Variants in ACVR1 observed in about 807,000 individuals in gnomAD.
The protein encoded by ACVR1 is activin receptor type-1.
Under a neutral mutation model 57.1 loss-of-function variants are expected in ACVR1, and 38 were observed. That is an observed-to-expected ratio of 0.67 (90% CI 0.51 to 0.87). The LOEUF (loss-of-function observed/expected upper bound fraction) is 0.87, where lower values mean the gene tolerates loss of function less well. Among genes scored for constraint, ACVR1 ranks in the 40% least tolerant of loss-of-function variants. ACVR1 has a pLI of 0.00. For synonymous variants in ACVR1, 212 were observed against 228.1 expected, an observed-to-expected ratio of 0.93 and a Z score of 0.63; for missense variants, 463 against 638.2, an observed-to-expected ratio of 0.73 and a Z score of 2.96.
intron 1 of ACVR1, among the ~76,000 whole-genome samples, chr2:157,833,624 C>T (rs1006300064): frequency 2.6e-5 from 4 of 151,330 alleles, no homozygotes; most frequent in African/African-American, 9.7e-5. Flanking sequence ...TCAACAATTA[C>T]AAGAAAAATT....
At chr2:157,858,671 C>T (rs539933852) in intron 1 of ACVR1, among the ~76,000 whole-genome samples, 2 of 152,074 alleles carry the variant, frequency 1.3e-5, no homozygotes, top group East Asian at 1.9e-4. Context: ...TTTGTCGAGA[C>T]GGGGTTTCAC....
chr2:157,795,962 G>C (rs1309339148), intron 3 of ACVR1, among the ~76,000 whole-genome samples: 1 of 152,038 alleles, frequency 6.6e-6, no homozygotes, highest in Admixed American at 6.5e-5. Flanking sequence ...GGTGGCTCAC[G>C]CCTGTAATCC....
chr2:157,807,995 A>C (rs1687621928), intron 2 of ACVR1, among the ~76,000 whole-genome samples: 1 of 151,310 alleles, frequency 6.6e-6, no homozygotes, highest in East Asian at 2.0e-4. Flanking sequence ...AGTGAGAAAC[A>C]CCACCCTTTA....
chr2:157,848,229 C>T (rs1689183584), intron 1 of ACVR1, among the ~76,000 whole-genome samples: 1 of 152,170 alleles, frequency 6.6e-6, no homozygotes, highest in African/African-American at 2.4e-5. Context: ...GACAGCTTGA[C>T]CAACAGAATA....
intron 1 of ACVR1, among the ~76,000 whole-genome samples, chr2:157,853,842 T>C (rs914858733): frequency 6.6e-6 from 1 of 152,174 alleles, no homozygotes; most frequent in Non-Finnish European, 1.5e-5. Flanking sequence ...ACAATGAAGT[T>C]TCCCTATGCT....
At chr2:157,826,918 AGGAAG>A (rs1327273004) in intron 1 of ACVR1, among the ~76,000 whole-genome samples, 1 of 150,368 alleles carries the variant, frequency 6.7e-6, no homozygotes, top group Non-Finnish European at 1.5e-5. Context: ...AAAGGAAGGA[AGGAAG>A]GGAAAGAAAG....
chr2:157,832,744 A>G (rs16842135), intron 1 of ACVR1, among the ~76,000 whole-genome samples: 5,946 of 152,292 alleles, frequency 0.039, 407 homozygotes, highest in African/African-American at 0.13. Flanking sequence ...GATTAATTCT[A>G]TAACATAAAA....
chr2:157,769,178 G>C (rs1053224419), intron 7 of ACVR1, among the ~76,000 whole-genome samples: 2 of 152,202 alleles, frequency 1.3e-5, no homozygotes, highest in African/African-American at 4.8e-5. Context: ...TCAAGGAATG[G>C]TCAGTATTAG....
chr2:157,807,140 G>GAAAAAAGATGA (rs754408678), intron 2 of ACVR1: 57 of 152,090 alleles, frequency 3.7e-4, no homozygotes, highest in Non-Finnish European at 6.3e-4. Context: ...TCTGTAAAAT[G>GAAAAAAGATGA]AAAAAAGATG....
At position 157,764,371 on chromosome 2, in the gene ACVR1, T is replaced by C. The variant is rs565926257; in HGVS notation, c.1066+1550A>G. ...CTATTATTATTATTTTTCTTTTTTTTTTTTTTTTGTATTTTTAGTAGAGAT... is the reference window on the plus strand; with the variant it reads ...CTATTATTATTATTTTTCTTTTTTTCTTTTTTTTGTATTTTTAGTAGAGAT... On this transcript the variant is annotated intron_variant, in intron 8 of 10. Transcript: ENST00000434821. Among the ~76,000 whole-genome samples the C allele has an allele frequency of 5.3e-4, 79 of 150,370 alleles. 1 individual carries two copies. The highest frequency in any genetic ancestry group is 5.2e-4 in the Non-Finnish European group (35 of 67,458).
chr2:157,786,186 G>A (rs952879531), intron 3 of ACVR1, among the ~76,000 whole-genome samples: 2 of 152,102 alleles, frequency 1.3e-5, no homozygotes, highest in Non-Finnish European at 2.9e-5. Flanking sequence ...TTTAAAGTAG[G>A]AACCCCCCTT....
chr2:157,763,366 T>C (rs1685737541), intron 8 of ACVR1, among the ~76,000 whole-genome samples: 1 of 152,240 alleles, frequency 6.6e-6, no homozygotes, highest in Non-Finnish European at 1.5e-5. Flanking sequence ...TTAACAATTA[T>C]TGAATCTAGG....
At chr2:157,845,164 G>T (rs572583476) in intron 1 of ACVR1, among the ~76,000 whole-genome samples, 1 of 152,204 alleles carries the variant, frequency 6.6e-6, no homozygotes, top group African/African-American at 2.4e-5. Context: ...AGAGGTCACA[G>T]AAATAAGTTA....
chr2:157,773,618 T>A (rs1486428302), intron 6 of ACVR1, among the ~76,000 whole-genome samples: 1 of 152,232 alleles, frequency 6.6e-6, no homozygotes, highest in Non-Finnish European at 1.5e-5. Context: ...ATATAGCTCA[T>A]ATTTAAATAA....
chr2:157,824,751 TC>T, intron 1 of ACVR1, among the ~76,000 whole-genome samples: 1 of 150,498 alleles, frequency 6.6e-6, no homozygotes, highest in African/African-American at 2.4e-5. Flanking sequence ...TGTCACTCAC[TC>T]CTTTCTCTTT....
At chr2:157,861,358 C>T (rs895858314) in intron 1 of ACVR1, among the ~76,000 whole-genome samples, 17 of 152,034 alleles carry the variant, frequency 1.1e-4, no homozygotes, top group African/African-American at 3.9e-4. Context: ...TTGAAGGAGA[C>T]GTTCAGAAAA....
At chr2:157,777,011 A>C (rs1476104326) in intron 5 of ACVR1, among the ~76,000 whole-genome samples, 1 of 152,158 alleles carries the variant, frequency 6.6e-6, no homozygotes, top group Non-Finnish European at 1.5e-5. Context: ...AACACCCACA[A>C]ATCTCAAATT....
In ACVR1 at chr2:157,766,204, G is replaced by C; in HGVS notation, c.791-8C>G. 6.2e-7 allele frequency: 1 copy of C among 1,613,650 alleles called. No homozygotes were observed. The highest frequency in any genetic ancestry group is 8.5e-7 in the Non-Finnish European group (1 of 1,179,816). On this transcript the variant is annotated splice_region_variant and splice_polypyrimidine_tract_variant and intron_variant, in intron 7 of 10. Coordinates refer to ENST00000434821, the MANE Select transcript of ACVR1 (RefSeq NM_001111067.4). ...TGTCTGAAGCAATGAAACCTGGAGA[G>C]AGCAAGAAAAAAATTAATATACATG...
chr2:157,800,933 T>C (rs970463175), intron 2 of ACVR1, among the ~76,000 whole-genome samples: 1 of 151,952 alleles, frequency 6.6e-6, no homozygotes, highest in African/African-American at 2.4e-5. Flanking sequence ...CTGTCATACA[T>C]GATTCCGGCT....
Sources: allele counts gnomAD v4.1 joint callset (sites outside exome capture counted in the v4.1 genomes callset), GRCh38; gene constraint gnomAD v4.1.1; transcripts MANE v1.5; gene names NCBI Gene and HGNC (gene_info 2026-07-23, HGNC 2026-07-21).